The following ARCN1 variants were observed in gnomAD, a reference collection of about 807,000 sequenced individuals.
ARCN1 encodes archain 1 coat protein complex I subunit delta.
Under a neutral mutation model 60.4 loss-of-function variants are expected in ARCN1, and 5 were observed. That is an observed-to-expected ratio of 0.08 (90% CI 0.04 to 0.17). The LOEUF is 0.17. ARCN1 is among the 10% of genes least tolerant of loss of function. ARCN1 has a pLI of 1.00. For synonymous variants in ARCN1, 224 were observed against 220.0 expected, an observed-to-expected ratio of 1.02 and a Z score of -0.16; for missense variants, 464 against 626.5, an observed-to-expected ratio of 0.74 and a Z score of 2.77.
intron 1 of ARCN1, among the ~76,000 whole-genome samples, chr11:118,580,324 C>CA (rs1405379701): frequency 6.5e-4 from 97 of 148,438 alleles, no homozygotes; most frequent in South Asian, 4.9e-3. Flanking sequence ...ACCCTGTCTC[C>CA]AAAAAAAAAG....
intron 1 of ARCN1, among the ~76,000 whole-genome samples, chr11:118,580,255 T>C (rs1053085982): frequency 1.3e-5 from 2 of 152,172 alleles, no homozygotes; most frequent in African/African-American, 4.8e-5. Flanking sequence ...AGCCCAGAAG[T>C]TGAGGCTACG....
chr11:118,600,580 G>C (rs782063510), intron 9 of ARCN1, 45 bp from the exon 10 acceptor site: 2 of 1,350,530 alleles, frequency 1.5e-6, no homozygotes, highest in African/African-American at 2.9e-5. Flanking sequence ...ACATGATGGA[G>C]ACTCAAACCT....
intron 6 of ARCN1, among the ~76,000 whole-genome samples, chr11:118,591,816 C>G (rs1398789415): frequency 2.0e-5 from 3 of 151,678 alleles, no homozygotes; most frequent in African/African-American, 7.3e-5. Context: ...CTCGCTGCAG[C>G]CTTAACCTCC....
chr11:118,584,052 T>G (rs2135543046), intron 4 of ARCN1, 38 bp downstream of exon 4: 1 of 1,566,310 alleles, frequency 6.4e-7, no homozygotes, highest in Admixed American at 1.8e-5. Context: ...AGGTGAAGGG[T>G]GTATATGTGT....
intron 6 of ARCN1, 151 bp downstream of exon 6, chr11:118,590,657 C>T (rs1555076204): frequency 2.3e-5 from 17 of 753,626 alleles, no homozygotes. Flanking sequence ...TAATATATTG[C>T]ATACAGTAGC....
At chr11:118,591,508 C>T (rs1938907956) in intron 6 of ARCN1, among the ~76,000 whole-genome samples, 1 of 152,172 alleles carries the variant, frequency 6.6e-6, no homozygotes, top group Non-Finnish European at 1.5e-5. Flanking sequence ...TCTCCTGCCT[C>T]AGCCTGCTGA....
At chr11:118,599,342 C>T (rs369370784) in intron 9 of ARCN1, among the ~76,000 whole-genome samples, 2 of 152,098 alleles carry the variant, frequency 1.3e-5, no homozygotes, top group Non-Finnish European at 2.9e-5. Context: ...CCAGCCACCT[C>T]GGCCTCCCAA....
In ARCN1 at chr11:118,590,370, CATT is replaced by C. The variant is rs1565363810; in HGVS notation, c.850_852del (p.Leu284del). On this transcript the variant is annotated inframe_deletion, in exon 6 of 10. Transcript: ENST00000264028. The stretch of plus-strand genomic sequence containing the variant: ...CATATGAAGATTGAAGAAAAGATAA[CATT>C]AACCTGTGGACGAGACGGAGGATTA... 6.2e-7 allele frequency: 1 copy of C among 1,613,802 alleles called. No individual in the cohort carries two copies. Among genetic ancestry groups the C allele is most frequent in the Non-Finnish European group, 8.5e-7 (1 of 1,179,700 alleles).
chr11:118,588,251 C>G (rs1555075755), intron 5 of ARCN1, among the ~76,000 whole-genome samples: 1 of 152,180 alleles, frequency 6.6e-6, no homozygotes, highest in Non-Finnish European at 1.5e-5. Flanking sequence ...AATTCTTGGC[C>G]TCTCTGTGCA....
chr11:118,581,853 C>A (rs183357558), intron 2 of ARCN1, among the ~76,000 whole-genome samples: 38 of 151,786 alleles, frequency 2.5e-4, no homozygotes, highest in Non-Finnish European at 4.0e-4. Flanking sequence ...CACACACACC[C>A]CTCTTCTAAG....
At chr11:118,580,547 C>G (rs1323171418) in intron 1 of ARCN1, among the ~76,000 whole-genome samples, 1 of 151,958 alleles carries the variant, frequency 6.6e-6, no homozygotes, top group Non-Finnish European at 1.5e-5. Context: ...TATAAGTATT[C>G]CTTACATAAA....
chr11:118,589,643 G>A (rs1350529393), intron 5 of ARCN1, among the ~76,000 whole-genome samples: 2 of 152,120 alleles, frequency 1.3e-5, no homozygotes, highest in Non-Finnish European at 2.9e-5. Flanking sequence ...GGATGGTCTC[G>A]ATCTTCTGAC....
In ARCN1 at chr11:118,601,571, C is replaced by T; in HGVS notation, c.*857C>T. On this transcript the variant is annotated 3_prime_UTR_variant, in exon 10 of 10. Transcript: ENST00000264028. ...CACTCCTGGAACAAGTATATCTAAC[C>T]CATTCTTGATTTTTGGACTATTCAG... 1 of 696,556 alleles carries T rather than the reference C, an allele frequency of 1.4e-6. No individual in the cohort carries two copies. The highest frequency in any genetic ancestry group is 1.5e-5 in the South Asian group (1 of 66,712). 43.1% of individuals were successfully genotyped at this position (696,556 alleles called of 1,614,324 possible).
chr11:118,583,149 T>A (rs373790189), intron 2 of ARCN1, 30 bp from the exon 3 acceptor site: 3 of 1,608,966 alleles, frequency 1.9e-6, no homozygotes, highest in Non-Finnish European at 2.5e-6. Flanking sequence ...AAATTCTAAA[T>A]CTTTCTTTTT....
Position 118,581,318 on chromosome 11 carries a change from C to A in ARCN1, c.76C>A (p.Arg26=), listed in dbSNP as rs1555074545. The change falls in exon 2 of 10, where the codon CGA becomes AGA. Residue 26 remains arginine (R), a synonymous_variant. Coordinates refer to ENST00000264028, the MANE Select transcript of ARCN1 (RefSeq NM_001655.5). ...TTCTCGACAGTTTGTGGAAATGACC[C>A]GAACTCGGATTGAGGGCTTATTAGC... The part of the protein sequence containing the change: ...IVSRQFVEMT[R]TRIEGLLAAF... 1 of 1,614,156 alleles carries A rather than the reference C, an allele frequency of 6.2e-7. No homozygotes were observed. The highest frequency in any genetic ancestry group is 8.5e-7 in the Non-Finnish European group (1 of 1,180,036).
chr11:118,574,311 A>G (rs1938430576), intron 1 of ARCN1, among the ~76,000 whole-genome samples: 1 of 152,176 alleles, frequency 6.6e-6, no homozygotes, highest in Admixed American at 6.5e-5. Context: ...CTGCTCCTTT[A>G]CAAACAGATC....
At position 118,581,925 on chromosome 11, in the gene ARCN1, G is replaced by GACACACAC. The variant is rs1361432735; in HGVS notation, c.267+419_267+420insCACACACA. ...GGTAAGACTTACTGATCCAGAGACA[G>GACACACAC]ACAGACAGACAGACACACACACACA... On this transcript the variant is annotated intron_variant, in intron 2 of 9. Transcript: ENST00000264028. 2.5e-4 allele frequency among the ~76,000 whole-genome samples: 30 copies of GACACACAC among 121,088 alleles called. No individual in the cohort carries two copies. In the East Asian group the frequency reaches 3.3e-3, roughly 13 times the overall value. The allele number at this position is 121,088 out of a possible 152,430, so 79.4% of individuals were successfully genotyped here.
At chr11:118,594,044 T>C (rs2135553064) in intron 8 of ARCN1, 1 of 175,358 alleles carries the variant, frequency 5.7e-6, no homozygotes, top group South Asian at 1.5e-4. Context: ...AAGATTAGCA[T>C]GGGCCCTGTG....
chr11:118,586,108 C>G, intron 5 of ARCN1, among the ~76,000 whole-genome samples: 1 of 151,920 alleles, frequency 6.6e-6, no homozygotes, highest in East Asian at 1.9e-4. Context: ...TTTCTTTCTT[C>G]CTTTCTTTCT....
Sources: allele counts gnomAD v4.1 joint callset (sites outside exome capture counted in the v4.1 genomes callset), GRCh38; gene constraint gnomAD v4.1.1; transcripts MANE v1.5; gene names NCBI Gene and HGNC (gene_info 2026-07-23, HGNC 2026-07-21).